The following RAP1A variants were observed in gnomAD, a reference collection of about 807,000 sequenced individuals.
The protein encoded by RAP1A is RAP1A, member of RAS oncogene family.
In RAP1A, 6 loss-of-function variants were observed where a neutral mutation model predicts 26.4. That is an observed-to-expected ratio of 0.23 (90% CI 0.12 to 0.45). RAP1A has a LOEUF of 0.45. RAP1A is among the 20% of genes least tolerant of loss of function. RAP1A has a pLI of 0.99. For synonymous variants in RAP1A, 73 were observed against 79.4 expected (o/e 0.92, Z 0.43); for missense variants, 121 against 217.2 (o/e 0.56, Z 2.78).
Position 111,609,443 on chromosome 1 carries a change from GTCAT to G in RAP1A, c.-28+66938_-28+66941del, listed in dbSNP as rs1658880654. On this transcript the variant is annotated intron_variant, in intron 1 of 7. Transcript: ENST00000356415. ...CTTACTTTTTTTTACTTAAATGTTA[GTCAT>G]TCAAGATTTCTTAACCCTTTGGTTA... 2.0e-5 allele frequency among the ~76,000 whole-genome samples: 3 copies of G among 151,818 alleles called. No individual in the cohort carries two copies. In the South Asian group the frequency reaches 6.2e-4, roughly 31 times the overall value.
At chr1:111,578,223 C>A (rs1224838154) in intron 1 of RAP1A, among the ~76,000 whole-genome samples, 6 of 152,004 alleles carry the variant, frequency 3.9e-5, no homozygotes, top group African/African-American at 1.4e-4. Context: ...GATTGGTGGG[C>A]ATGGGTCACC....
At chr1:111,690,010 A>AT (rs1661620354) in intron 1 of RAP1A, among the ~76,000 whole-genome samples, 2 of 151,954 alleles carry the variant, frequency 1.3e-5, no homozygotes, top group South Asian at 4.2e-4. Context: ...ATTTCTATTA[A>AT]TTTTTTATTG....
In RAP1A at chr1:111,554,085, C is replaced by G. The variant is rs921269292; in HGVS notation, c.-28+11576C>G. ...AGAATTCCCAGATTTAGATCCCCAC[C>G]ACTTATTAGCTATGTGGCCTTGGGC... On this transcript the variant is annotated intron_variant, in intron 1 of 7. Transcript: ENST00000356415. Among the ~76,000 whole-genome samples, 4 of 152,224 alleles carry G rather than the reference C, an allele frequency of 2.6e-5. No individual in the cohort carries two copies. In the East Asian group the frequency reaches 7.7e-4, roughly 29 times the overall value.
intron 1 of RAP1A, among the ~76,000 whole-genome samples, chr1:111,554,040 C>T (rs9988442): frequency 0.031 from 4,705 of 152,334 alleles, 223 homozygotes; most frequent in African/African-American, 0.11. Context: ...GGAATGGTTA[C>T]GTGCATATGC....
intron 1 of RAP1A, among the ~76,000 whole-genome samples, chr1:111,674,129 G>C (rs1661055040): frequency 6.6e-6 from 1 of 152,158 alleles, no homozygotes; most frequent in African/African-American, 2.4e-5. Context: ...ATTCTGTCTT[G>C]AAAGATACGC....
At chr1:111,636,350 A>G (rs1227610125) in intron 1 of RAP1A, among the ~76,000 whole-genome samples, 1 of 152,148 alleles carries the variant, frequency 6.6e-6, no homozygotes, top group Non-Finnish European at 1.5e-5. Flanking sequence ...CACTATGGCA[A>G]TAAAGTAAGT....
At chr1:111,665,824 T>C (rs1055155609) in intron 1 of RAP1A, among the ~76,000 whole-genome samples, 2 of 152,198 alleles carry the variant, frequency 1.3e-5, no homozygotes, top group Non-Finnish European at 2.9e-5. Context: ...ATTCCCAGTA[T>C]TAAACATTTA....
intron 1 of RAP1A, among the ~76,000 whole-genome samples, chr1:111,688,808 G>GT (rs753016302): frequency 0.12 from 14,727 of 123,916 alleles, 967 homozygotes; most frequent in African/African-American, 0.2. Context: ...TTTTGTTTTT[G>GT]TTTTTTTTTT....
chr1:111,567,501 T>C (rs985490630), intron 1 of RAP1A, among the ~76,000 whole-genome samples: 8 of 152,162 alleles, frequency 5.3e-5, no homozygotes, highest in African/African-American at 1.9e-4. Context: ...GACAATCCTA[T>C]TGTGGACTGA....
At position 111,648,390 on chromosome 1, in the gene RAP1A, C is replaced by T. The variant is rs551666209; in HGVS notation, c.-28+28456C>T. On this transcript the variant is annotated intron_variant, in intron 1 of 7. Transcript: ENST00000369709. ...ATGGTTCGCATGGAGTTGCTGCTGT[C>T]CAGGGCATCACCAAGATTGAAGTCC... 1.1e-5 allele frequency: 7 copies of T among 626,262 alleles called. No homozygotes were observed. The East Asian group carries it at 2.0e-4, about 18-fold the overall frequency. The allele number at this position is 626,262 out of a possible 1,614,324, so 38.8% of individuals were successfully genotyped here.
At chr1:111,643,218 A>G (rs2101122150) in intron 1 of RAP1A, among the ~76,000 whole-genome samples, 1 of 152,320 alleles carries the variant, frequency 6.6e-6, no homozygotes, top group East Asian at 1.9e-4. Context: ...TTTATTTATG[A>G]ACACTGAAGG....
At chr1:111,573,488 C>A (rs1411973057) in intron 1 of RAP1A, among the ~76,000 whole-genome samples, 1 of 152,182 alleles carries the variant, frequency 6.6e-6, no homozygotes, top group Non-Finnish European at 1.5e-5. Flanking sequence ...GGATGCGCCA[C>A]AATGCCTGGC....
At chr1:111,653,457 G>A (rs147491978) in intron 1 of RAP1A, among the ~76,000 whole-genome samples, 19,143 of 151,990 alleles carry the variant, frequency 0.13, 1,752 homozygotes, top group African/African-American at 0.27. Context: ...TGAGGCGGGC[G>A]GATCACCTGA....
intron 4 of RAP1A, among the ~76,000 whole-genome samples, chr1:111,698,581 T>C (rs1661914319): frequency 6.6e-6 from 1 of 152,102 alleles, no homozygotes; most frequent in Non-Finnish European, 1.5e-5. Context: ...CATTTTTAAA[T>C]GTGATAAGTT....
At chr1:111,652,352 C>T (rs939566202) in intron 1 of RAP1A, among the ~76,000 whole-genome samples, 1 of 152,182 alleles carries the variant, frequency 6.6e-6, no homozygotes, top group Non-Finnish European at 1.5e-5. Context: ...ACCTTGCATT[C>T]AGCAAAGTTG....
chr1:111,650,722 C>G (rs1660239023), intron 1 of RAP1A, among the ~76,000 whole-genome samples: 1 of 152,050 alleles, frequency 6.6e-6, no homozygotes. Flanking sequence ...CATAGTTTAC[C>G]TTAGAGTTCA....
chr1:111,615,829 CAAAAAAAA>C (rs34751097), upstream of RAP1A, among the ~76,000 whole-genome samples: 1 of 86,226 alleles, frequency 1.2e-5, no homozygotes, highest in Non-Finnish European at 2.4e-5. Context: ...GACTCTGTCT[CAAAAAAAA>C]AAAAAAAAAA....
At chr1:111,680,181 A>G (rs578650) in intron 1 of RAP1A, among the ~76,000 whole-genome samples, 129,403 of 152,164 alleles carry the variant, frequency 0.85, 55,135 homozygotes, top group East Asian at 1. Flanking sequence ...ACGGACCTTC[A>G]TGGCAAGTGT....
chr1:111,637,557 G>GA (rs1266231465), intron 1 of RAP1A, among the ~76,000 whole-genome samples: 1 of 152,134 alleles, frequency 6.6e-6, no homozygotes, highest in Non-Finnish European at 1.5e-5. Context: ...TAAGCCAAAA[G>GA]AAAAATCACC....
Sources: allele counts gnomAD v4.1 joint callset (sites outside exome capture counted in the v4.1 genomes callset), GRCh38; gene constraint gnomAD v4.1.1; transcripts MANE v1.5; gene names NCBI Gene and HGNC (gene_info 2026-07-23, HGNC 2026-07-21).